The following FAM161A variants were observed in gnomAD, a reference collection of about 807,000 sequenced individuals.
The protein encoded by FAM161A is protein FAM161A.
In FAM161A, 57 loss-of-function variants were observed where a neutral mutation model predicts 70.9. The observed-to-expected ratio is 0.80, with a 90% CI of 0.65 to 1.00. The LOEUF is 1.00. FAM161A is among the 50% of genes least tolerant of loss of function. FAM161A has a pLI of 0.00. For missense variants in FAM161A, 880 were observed against 836.0 expected, an observed-to-expected ratio of 1.05 and a Z score of -0.65; for synonymous variants, 299 against 295.7, an observed-to-expected ratio of 1.01 and a Z score of -0.12.
At chr2:61,810,396 T>C in the FAM161A span, among the ~76,000 whole-genome samples, 1 of 150,846 alleles carries the variant, frequency 6.6e-6, no homozygotes, top group Non-Finnish European at 1.5e-5. Context: ...CAATAATTCC[T>C]TACCCTACAC....
intron 1 of FAM161A, among the ~76,000 whole-genome samples, chr2:61,851,074 A>G (rs1673481841): frequency 6.6e-6 from 1 of 151,574 alleles, no homozygotes; most frequent in Admixed American, 6.6e-5. Context: ...GGGTTTCTCT[A>G]TGTTGGTCAC....
At chr2:61,804,768 G>GAAAAGAAAGAAAGAA in the FAM161A span, among the ~76,000 whole-genome samples, 3 of 118,952 alleles carry the variant, frequency 2.5e-5, no homozygotes, top group Non-Finnish European at 3.5e-5. Flanking sequence ...GAAAAAGAAA[G>GAAAAGAAAGAAAGAA]AGAAAGAAAG....
At chr2:61,835,985 G>T (rs1672757101) in intron 5 of FAM161A, 25 bp downstream of exon 5, 5 of 1,408,030 alleles carry the variant, frequency 3.6e-6, no homozygotes, top group African/African-American at 1.5e-5. Flanking sequence ...ACTGACGATA[G>T]CTCTTAAATT....
intron 5 of FAM161A, 30 bp from the exon 6 acceptor site, chr2:61,827,288 G>C (rs909566421): frequency 6.2e-7 from 1 of 1,608,048 alleles, no homozygotes; most frequent in African/African-American, 1.3e-5. Flanking sequence ...TTTTAGACGA[G>C]AACAGAAGAC....
downstream of FAM161A, chr2:61,820,461 G>T (rs1672178952): frequency 1.3e-6 from 1 of 755,716 alleles, no homozygotes; most frequent in African/African-American, 1.7e-5. Context: ...AACCAAAGAG[G>T]GCTGTCTCAA....
chr2:61,832,849 G>A lies in FAM161A; in HGVS notation c.1851+3161C>T, dbSNP rs180677028. The stretch of plus-strand genomic sequence containing the variant: ...CCACCCCACGCAACCCTGGTCTGTG[G>A]AAAAATGGTCTTCCATAAAACCAGT... On this transcript the variant is annotated intron_variant, in intron 5 of 6. Coordinates refer to ENST00000404929, the MANE Select transcript of FAM161A (RefSeq NM_001201543.2). Among the ~76,000 whole-genome samples the A allele has an allele frequency of 2.0e-3, 309 of 152,222 alleles. 3 individuals carry two copies. Among genetic ancestry groups the A allele is most frequent in the African/African-American group, 7.1e-3 (295 of 41,548 alleles).
rs746321568 is a variant in FAM161A, at chr2:61,838,892, A to ATTTTTTTT, written c.1584-195_1584-188dup. Among the ~76,000 whole-genome samples, 693 of 130,286 alleles carry ATTTTTTTT rather than the reference A, an allele frequency of 5.3e-3. 17 individuals carry two copies. The highest frequency in any genetic ancestry group is 0.015 in the African/African-American group (570 of 37,034). The allele number at this position is 130,286 out of a possible 152,430, so 85.5% of individuals were successfully genotyped here. A position where few individuals can be genotyped will look rare whatever the true frequency, so the allele number is the denominator to read the frequency against. On this transcript the variant is annotated intron_variant, in intron 3 of 6. Coordinates refer to ENST00000404929, the MANE Select transcript of FAM161A (RefSeq NM_001201543.2). ...TATTTATTTATTTATTTATTTATTT[A>ATTTTTTTT]TTTTTTTTGAGATGGAGTCTCGCTC...
At chr2:61,838,851 G>C (rs574317061) in intron 3 of FAM161A, 146 bp from the exon 4 acceptor site, 3 of 254,756 alleles carry the variant, frequency 1.2e-5, no homozygotes, top group Non-Finnish European at 2.0e-5. Flanking sequence ...TGTAAAACTA[G>C]AAATATTTAT....
At chr2:61,818,034 G>C in the FAM161A span, among the ~76,000 whole-genome samples, 1 of 150,566 alleles carries the variant, frequency 6.6e-6, no homozygotes, top group African/African-American at 2.4e-5. Context: ...ATGACACCTA[G>C]TAACAATGAG....
Position 61,825,141 on chromosome 2 carries a change from T to C in FAM161A, c.*1314A>G, listed in dbSNP as rs1256634313. On this transcript the variant is annotated 3_prime_UTR_variant, in exon 7 of 7. Coordinates refer to ENST00000404929, the MANE Select transcript of FAM161A (RefSeq NM_001201543.2). ...TTAGTTCATCCTTTTAAAATGATGC[T>C]GATTGTTTTTAGAAAAGAAAATGTC... is the stretch of plus-strand genomic sequence containing the variant. The C allele has an allele frequency of 6.8e-6, 3 of 442,060 alleles. No homozygotes were observed. Among genetic ancestry groups the C allele is most frequent in the East Asian group, 1.4e-4 (2 of 14,472 alleles). The allele number at this position is 442,060 out of a possible 1,614,324, so 27.4% of individuals were successfully genotyped here. A position where few individuals can be genotyped will look rare whatever the true frequency, so the allele number is the denominator to read the frequency against.
the FAM161A span, among the ~76,000 whole-genome samples, chr2:61,808,274 ATT>A: frequency 4.9e-5 from 7 of 142,052 alleles, no homozygotes; most frequent in Admixed American, 1.4e-4. Context: ...TATTATTATT[ATT>A]TTTTTTTTTT....
chr2:61,814,612 G>T, the FAM161A span, among the ~76,000 whole-genome samples: 2 of 152,156 alleles, frequency 1.3e-5, no homozygotes, highest in Non-Finnish European at 2.9e-5. Flanking sequence ...CTACTTGGGA[G>T]GTTGAGGTGA....
the FAM161A span, among the ~76,000 whole-genome samples, chr2:61,802,420 G>A: frequency 2.4e-4 from 36 of 152,210 alleles, no homozygotes; most frequent in East Asian, 7.7e-4. Flanking sequence ...TAATACTAAC[G>A]TTGAAAAAAT....
chr2:61,831,111 C>A (rs1214917826), intron 5 of FAM161A, among the ~76,000 whole-genome samples: 109 of 108,470 alleles, frequency 1.0e-3, no homozygotes, highest in African/African-American at 1.4e-3. Context: ...GACGCCTTCT[C>A]AAAAAAAAAA....
intron 5 of FAM161A, among the ~76,000 whole-genome samples, chr2:61,833,438 A>G: frequency 6.6e-6 from 1 of 151,812 alleles, no homozygotes; most frequent in East Asian, 1.9e-4. Flanking sequence ...AAAAAAAAAA[A>G]AAAAGGAAAT....
intron 5 of FAM161A, among the ~76,000 whole-genome samples, chr2:61,832,430 G>T (rs1572865904): frequency 6.6e-6 from 1 of 152,140 alleles, no homozygotes; most frequent in African/African-American, 2.4e-5. Flanking sequence ...AAATCTTCCA[G>T]AACTAGAATA....
the FAM161A span, among the ~76,000 whole-genome samples, chr2:61,814,475 C>G: frequency 1.3e-5 from 2 of 151,510 alleles, no homozygotes; most frequent in African/African-American, 4.8e-5. Flanking sequence ...TAATCTGTAT[C>G]TCTGCTTCTC....
At chr2:61,801,662 G>A in the FAM161A span, among the ~76,000 whole-genome samples, 1 of 151,078 alleles carries the variant, frequency 6.6e-6, no homozygotes, top group African/African-American at 2.4e-5. Context: ...TTGTGTTCAA[G>A]CGATTGTCCT....
the FAM161A span, among the ~76,000 whole-genome samples, chr2:61,817,209 C>T: frequency 6.6e-6 from 1 of 152,110 alleles, no homozygotes; most frequent in African/African-American, 2.4e-5. Context: ...TTGTGTGTGC[C>T]CTGTGAGTCG....
Sources: gnomAD v4.1 joint callset for allele counts (sites outside exome capture counted in the v4.1 genomes callset) on GRCh38, gnomAD v4.1.1 for gene constraint, MANE v1.5 for transcripts, NCBI Gene and HGNC (gene_info 2026-07-23, HGNC 2026-07-21) for gene names.